Variants in DCDC1 observed in about 807,000 individuals in gnomAD.
The protein encoded by DCDC1 is doublecortin domain-containing protein 1.
A neutral mutation model predicts 178.3 loss-of-function variants in DCDC1; 200 were observed. The observed-to-expected ratio is 1.12, with a 90% CI of 1.00 to 1.26. DCDC1 has a LOEUF of 1.26. Ranked by LOEUF, DCDC1 falls within the 50% of genes most tolerant of loss-of-function variation. The probability of loss-of-function intolerance (pLI) is 0.00; values close to 1 mark genes in which losing one functional copy is unlikely to be tolerated. For missense variants in DCDC1, 1,983 were observed against 1,749.2 expected (o/e 1.13, Z -2.38); for synonymous variants, 690 against 604.8 (o/e 1.14, Z -2.07).
At chr11:31,200,592 TTAGA>T (rs1971180476) in intron 9 of DCDC1, among the ~76,000 whole-genome samples, 1 of 152,026 alleles carries the variant, frequency 6.6e-6, no homozygotes, top group East Asian at 1.9e-4. Context: ...AATTAATAAG[TTAGA>T]TATTCATCTA....
chr11:31,201,779 G>A (rs1225559498), intron 9 of DCDC1, among the ~76,000 whole-genome samples: 1 of 152,086 alleles, frequency 6.6e-6, no homozygotes, highest in African/African-American at 2.4e-5. Flanking sequence ...TGAAAAGTAT[G>A]ATATATGACA....
In DCDC1 at chr11:30,916,904, G is replaced by A. The variant is rs538219168; in HGVS notation, c.3418C>T (p.Leu1140Phe). ...TTCTGTGGTTCCACATTTTCAAAGA[G>A]CCCTTTTTCCGTTTTCTTTGGAAGA... is the stretch of plus-strand genomic sequence containing the variant. ...DSLPKKTEKG[L>F]FENVEPQKKH... is the part of the protein sequence containing the mutation. The change falls in exon 26 of 39, where the codon CTC becomes TTC. Residue 1140 changes from leucine to phenylalanine, a missense_variant. Transcript: ENST00000684477. 8 of 1,607,398 alleles carry A rather than the reference G, an allele frequency of 5.0e-6. No individual in the cohort carries two copies. In the Admixed American group the frequency reaches 1.0e-4, roughly 20 times the overall value.
At chr11:31,158,937 G>C (rs553289565) in intron 9 of DCDC1, among the ~76,000 whole-genome samples, 2 of 151,344 alleles carry the variant, frequency 1.3e-5, no homozygotes, top group South Asian at 4.2e-4. Flanking sequence ...TAATTGATAG[G>C]GATGTATATC....
intron 20 of DCDC1, among the ~76,000 whole-genome samples, chr11:31,008,930 A>C (rs908293156): frequency 2.0e-5 from 3 of 152,206 alleles, no homozygotes; most frequent in African/African-American, 7.2e-5. Context: ...ATCACAATGA[A>C]GGGGGACAAT....
At chr11:31,309,057 C>G (rs1349046210) in intron 3 of DCDC1, among the ~76,000 whole-genome samples, 1 of 152,020 alleles carries the variant, frequency 6.6e-6, no homozygotes, top group Admixed American at 6.6e-5. Context: ...AGCCTGCCCT[C>G]TTTATGGTCA....
In DCDC1 at chr11:31,044,815, A is replaced by G. The variant is rs560898088; in HGVS notation, c.2591+19654T>C. On this transcript the variant is annotated intron_variant, in intron 20 of 38. Transcript: ENST00000684477. Reference sequence around the variant, plus strand: ...GTGAAAACTCGCTGTGTTTAAATGGACTGTGAGATAATAAATGGCCATTGT... The same window carrying G: ...GTGAAAACTCGCTGTGTTTAAATGGGCTGTGAGATAATAAATGGCCATTGT... Among the ~76,000 whole-genome samples the G allele has an allele frequency of 7.2e-4, 110 of 152,234 alleles. 1 individual carries two copies. Among genetic ancestry groups the G allele is most frequent in the Middle Eastern group, 3.4e-3 (1 of 294 alleles).
chr11:30,884,092 A>G (rs1358373193), intron 36 of DCDC1, among the ~76,000 whole-genome samples: 1 of 125,900 alleles, frequency 7.9e-6, no homozygotes, highest in East Asian at 2.3e-4. Flanking sequence ...GTGCAGTGGC[A>G]TGATCAGGGT....
chr11:30,912,870 TA>T (rs1327650504), intron 27 of DCDC1, among the ~76,000 whole-genome samples: 6 of 152,158 alleles, frequency 3.9e-5, no homozygotes, highest in Admixed American at 3.9e-4. Flanking sequence ...ATATGGAGGA[TA>T]AAAAGACTGT....
intron 1 of DCDC1, among the ~76,000 whole-genome samples, chr11:31,356,052 C>G (rs1168901445): frequency 6.6e-6 from 1 of 152,112 alleles, no homozygotes; most frequent in Non-Finnish European, 1.5e-5. Flanking sequence ...GTGAGTCACA[C>G]TCTTTTCTTC....
chr11:31,235,256 C>T (rs1976308473), intron 9 of DCDC1, among the ~76,000 whole-genome samples: 1 of 151,708 alleles, frequency 6.6e-6, no homozygotes, highest in Non-Finnish European at 1.5e-5. Flanking sequence ...CACACACAGA[C>T]ATAAAAAGCA....
At chr11:30,945,370 T>C (rs1249107072) in intron 21 of DCDC1, among the ~76,000 whole-genome samples, 1 of 152,122 alleles carries the variant, frequency 6.6e-6, no homozygotes, top group South Asian at 2.1e-4. Context: ...ACTGAATTAC[T>C]TGTACTTTTA....
At chr11:31,084,261 T>C (rs551390322) in intron 17 of DCDC1, among the ~76,000 whole-genome samples, 1 of 152,310 alleles carries the variant, frequency 6.6e-6, no homozygotes, top group Non-Finnish European at 1.5e-5. Context: ...GTAAAGGCTA[T>C]GTCTTGATTC....
chr11:30,903,807 G>T, intron 31 of DCDC1, 124 bp from the exon 32 acceptor site: 1 of 855,932 alleles, frequency 1.2e-6, no homozygotes, highest in Non-Finnish European at 1.7e-6. Flanking sequence ...ATAGAAAGCT[G>T]AATTACTAAT....
Position 31,037,665 on chromosome 11 carries a change from G to A in DCDC1, c.2591+26804C>T, listed in dbSNP as rs560565128. 1.5e-4 allele frequency among the ~76,000 whole-genome samples: 23 copies of A among 151,958 alleles called. 1 individual carries two copies. The highest frequency in any genetic ancestry group is 5.1e-4 in the African/African-American group (21 of 41,496). Reference sequence around the variant, plus strand: ...TTTTTAGTAGAGACGGGGTTTCACCGTGTTAGCCAGGATGGTCTCGATCTC... The same window carrying A: ...TTTTTAGTAGAGACGGGGTTTCACCATGTTAGCCAGGATGGTCTCGATCTC... On this transcript the variant is annotated intron_variant, in intron 20 of 38. Transcript: ENST00000684477.
chr11:30,884,411 C>T (rs989376963), intron 36 of DCDC1, among the ~76,000 whole-genome samples: 4 of 151,802 alleles, frequency 2.6e-5, no homozygotes, highest in South Asian at 2.1e-4. Context: ...TTATAAGCAA[C>T]GCAATTAAAC....
At chr11:30,903,250 G>T (rs1457483117) in intron 32 of DCDC1, among the ~76,000 whole-genome samples, 1 of 152,024 alleles carries the variant, frequency 6.6e-6, no homozygotes, top group Non-Finnish European at 1.5e-5. Context: ...ATTATATGCA[G>T]TTTATTTATT....
intron 6 of DCDC1, among the ~76,000 whole-genome samples, chr11:31,291,264 C>T (rs1947211841): frequency 6.6e-6 from 1 of 151,958 alleles, no homozygotes; most frequent in African/African-American, 2.4e-5. Context: ...AAACATTTCT[C>T]TTCTCTTTAA....
intron 20 of DCDC1, among the ~76,000 whole-genome samples, chr11:31,049,868 C>A (rs1955123271): frequency 1.3e-5 from 2 of 152,282 alleles, no homozygotes; most frequent in African/African-American, 4.8e-5. Flanking sequence ...GCTGGCTCCC[C>A]AAGCAGCCAT....
At position 30,908,537 on chromosome 11, in the gene DCDC1, G is replaced by A. The variant is rs572143837; in HGVS notation, c.3918+409C>T. On this transcript the variant is annotated intron_variant, in intron 29 of 38. Coordinates refer to ENST00000684477, the MANE Select transcript of DCDC1 (RefSeq NM_001387274.1). ...GTTAGCTGTGAGAATGGCATGATGAGTATGTCAGAAAATGTCCAAAATTTT... is the reference window on the plus strand; with the variant it reads ...GTTAGCTGTGAGAATGGCATGATGAATATGTCAGAAAATGTCCAAAATTTT... Among the ~76,000 whole-genome samples the A allele has an allele frequency of 4.8e-4, 73 of 152,178 alleles. 1 individual carries two copies. Among genetic ancestry groups the A allele is most frequent in the Non-Finnish European group, 6.2e-4 (42 of 67,998 alleles).
Sources: allele counts gnomAD v4.1 joint callset (sites outside exome capture counted in the v4.1 genomes callset), GRCh38; gene constraint gnomAD v4.1.1; transcripts MANE v1.5; gene names NCBI Gene and HGNC (gene_info 2026-07-23, HGNC 2026-07-21).